DGKB: variants seen among roughly 807,000 people sequenced by gnomAD.
The protein encoded by DGKB is diacylglycerol kinase beta, also known as 90 kDa diacylglycerol kinase.
Under a neutral mutation model 114.3 loss-of-function variants are expected in DGKB, and 67 were observed. The ratio of observed to expected loss-of-function variants is 0.59; its 90% CI spans 0.48 to 0.72. The LOEUF (loss-of-function observed/expected upper bound fraction) is 0.72. DGKB is among the 30% of genes least tolerant of loss of function. The probability of loss-of-function intolerance (pLI) is 0.00; values close to 1 mark genes in which losing one functional copy is unlikely to be tolerated. For synonymous variants in DGKB, 398 were observed against 323.1 expected (o/e 1.23, Z -2.49); for missense variants, 907 against 975.2 (o/e 0.93, Z 0.93).
At chr7:14,698,865 T>C (rs548774321) in intron 7 of DGKB, among the ~76,000 whole-genome samples, 4 of 152,298 alleles carry the variant, frequency 2.6e-5, no homozygotes, top group Admixed American at 2.0e-4. Flanking sequence ...AGATTAAACA[T>C]GGCTTTGTGA....
At chr7:14,643,679 C>T (rs1482113550) in intron 13 of DGKB, among the ~76,000 whole-genome samples, 1 of 152,142 alleles carries the variant, frequency 6.6e-6, no homozygotes. Flanking sequence ...CATGTGCACA[C>T]CAAAGCTTGA....
intron 21 of DGKB, among the ~76,000 whole-genome samples, chr7:14,361,291 G>A (rs1304922447): frequency 1.3e-5 from 2 of 151,864 alleles, no homozygotes; most frequent in Admixed American, 6.6e-5. Context: ...ATGGAAGAGT[G>A]GTTTTACATA....
intron 23 of DGKB, among the ~76,000 whole-genome samples, chr7:14,288,432 AACTC>A (rs1017627196): frequency 3.9e-5 from 6 of 152,036 alleles, no homozygotes; most frequent in Admixed American, 2.0e-4. Context: ...ATTTAAAAAG[AACTC>A]ACTCAGGTAT....
intron 20 of DGKB, among the ~76,000 whole-genome samples, chr7:14,551,811 A>AT (rs1795142711): frequency 6.6e-6 from 1 of 152,164 alleles, no homozygotes; most frequent in Non-Finnish European, 1.5e-5. Flanking sequence ...GTTTGCTTAA[A>AT]TCTTTCATTA....
intron 20 of DGKB, among the ~76,000 whole-genome samples, chr7:14,565,981 A>C (rs1004016825): frequency 6.6e-6 from 1 of 152,058 alleles, no homozygotes; most frequent in Non-Finnish European, 1.5e-5. Flanking sequence ...AAATCTGCAC[A>C]TTTTTCTTTT....
At chr7:14,324,091 AG>A (rs1808309506) in intron 23 of DGKB, among the ~76,000 whole-genome samples, 3 of 152,204 alleles carry the variant, frequency 2.0e-5, no homozygotes, top group Non-Finnish European at 4.4e-5. Flanking sequence ...TGTTGATAAA[AG>A]CATAATCTCT....
intron 14 of DGKB, among the ~76,000 whole-genome samples, chr7:14,627,053 C>T (rs1585186870): frequency 1.3e-5 from 2 of 152,160 alleles, no homozygotes; most frequent in African/African-American, 4.8e-5. Flanking sequence ...TGACATAAAA[C>T]AGGCACTCAG....
chr7:14,203,675 C>T (rs1786279744), intron 23 of DGKB, among the ~76,000 whole-genome samples: 1 of 151,914 alleles, frequency 6.6e-6, no homozygotes. Context: ...TTATAGAGCA[C>T]ATCCTGCACA....
At chr7:14,334,271 T>A (rs1354417450) in intron 23 of DGKB, among the ~76,000 whole-genome samples, 1 of 152,096 alleles carries the variant, frequency 6.6e-6, no homozygotes, top group African/African-American at 2.4e-5. Flanking sequence ...TCTCATGAGA[T>A]ATGCAAAGAC....
At chr7:14,869,846 TAAAC>T (rs1182388859) in intron 1 of DGKB, among the ~76,000 whole-genome samples, 4 of 152,134 alleles carry the variant, frequency 2.6e-5, no homozygotes, top group Non-Finnish European at 5.9e-5. Flanking sequence ...GACACAGTAA[TAAAC>T]AAACAAGAGA....
At chr7:14,734,753 T>C (rs1831456168) in intron 5 of DGKB, among the ~76,000 whole-genome samples, 1 of 152,222 alleles carries the variant, frequency 6.6e-6, no homozygotes, top group Non-Finnish European at 1.5e-5. Flanking sequence ...GAATGTCCCA[T>C]CTTTAATATG....
intron 20 of DGKB, 108 bp from the exon 21 acceptor site, chr7:14,478,333 C>A: frequency 1.5e-6 from 1 of 667,232 alleles, no homozygotes; most frequent in Non-Finnish European, 2.4e-6. Flanking sequence ...CTTTTATTTA[C>A]AATATTATTG....
intron 2 of DGKB, among the ~76,000 whole-genome samples, chr7:14,810,784 T>A (rs1843333387): frequency 6.6e-6 from 1 of 152,098 alleles, no homozygotes; most frequent in Non-Finnish European, 1.5e-5. Flanking sequence ...ACCATTTGTA[T>A]TTTTGGTAGA....
At chr7:14,178,314 T>G (rs942018295) in intron 23 of DGKB, among the ~76,000 whole-genome samples, 163 bp from the exon 24 acceptor site, 1 of 152,024 alleles carries the variant, frequency 6.6e-6, no homozygotes, top group Middle Eastern at 3.4e-3. Flanking sequence ...TTTATAACTC[T>G]CAGTTTAACT....
intron 1 of DGKB, among the ~76,000 whole-genome samples, chr7:14,889,943 C>A (rs1241489527): frequency 1.3e-5 from 2 of 151,506 alleles, no homozygotes; most frequent in Non-Finnish European, 3.0e-5. Flanking sequence ...TACAGAAATA[C>A]ATTAACCCCT....
intron 2 of DGKB, among the ~76,000 whole-genome samples, chr7:14,765,371 A>G (rs957888129): frequency 2.0e-5 from 3 of 152,038 alleles, no homozygotes; most frequent in Non-Finnish European, 4.4e-5. Flanking sequence ...ATATAGCAAT[A>G]AGTATTTCTA....
intron 23 of DGKB, among the ~76,000 whole-genome samples, chr7:14,286,371 TG>T (rs1473665258): frequency 1.3e-5 from 2 of 152,154 alleles, no homozygotes; most frequent in Non-Finnish European, 2.9e-5. Context: ...ATCAATTTTT[TG>T]GCATCTAAAC....
At chr7:14,782,966 G>T (rs1174148932) in intron 2 of DGKB, among the ~76,000 whole-genome samples, 2 of 152,080 alleles carry the variant, frequency 1.3e-5, no homozygotes, top group Non-Finnish European at 2.9e-5. Context: ...CCAAGTCACT[G>T]GGATTACAGA....
intron 15 of DGKB, among the ~76,000 whole-genome samples, chr7:14,614,098 A>G (rs1453767969): frequency 6.6e-6 from 1 of 152,162 alleles, no homozygotes; most frequent in Non-Finnish European, 1.5e-5. Context: ...TTTCATCACA[A>G]CTCAGCTCTC....
Sources: gnomAD v4.1 joint callset for allele counts (sites outside exome capture counted in the v4.1 genomes callset) on GRCh38, gnomAD v4.1.1 for gene constraint, MANE v1.5 for transcripts, NCBI Gene and HGNC (gene_info 2026-07-23, HGNC 2026-07-21) for gene names.